Variants in WNT7B observed in about 807,000 individuals in gnomAD.
WNT7B encodes Wnt family member 7B, also known as protein Wnt-7b.
A neutral mutation model predicts 38.2 loss-of-function variants in WNT7B; 19 were observed. The observed-to-expected ratio is 0.50, with a 90% CI of 0.35 to 0.73. The LOEUF is 0.73. WNT7B is among the 30% of genes least tolerant of loss of function. WNT7B has a pLI of 0.01. For missense variants in WNT7B, 423 were observed against 507.9 expected, an observed-to-expected ratio of 0.83 and a Z score of 1.61; for synonymous variants, 243 against 209.3, an observed-to-expected ratio of 1.16 and a Z score of -1.39.
At chr22:45,937,413 T>A (rs1314475967) in intron 2 of WNT7B, among the ~76,000 whole-genome samples, 1 of 152,194 alleles carries the variant, frequency 6.6e-6, no homozygotes. Flanking sequence ...TCTCCCTACC[T>A]GCAAAATGAG....
Position 45,957,412 on chromosome 22 carries a change from G to A in WNT7B, c.72-7266C>T, listed in dbSNP as rs551589642. ...AAAATACAGAAAACAGGCCGGGCACGGTGGCTCACACCTGTAATCCCAGCA... is the reference window on the plus strand; with the variant it reads ...AAAATACAGAAAACAGGCCGGGCACAGTGGCTCACACCTGTAATCCCAGCA... On this transcript the variant is annotated intron_variant, in intron 1 of 3. Transcript: ENST00000339464. 1.9e-3 allele frequency among the ~76,000 whole-genome samples: 281 copies of A among 151,838 alleles called. 6 individuals carry two copies. Among genetic ancestry groups the A allele is most frequent in the Admixed American group, 0.017 (258 of 15,242 alleles).
At chr22:45,964,370 T>C (rs61035450) in intron 1 of WNT7B, among the ~76,000 whole-genome samples, 7,807 of 152,096 alleles carry the variant, frequency 0.051, 665 homozygotes, top group African/African-American at 0.18. Context: ...GGAGCAGTGA[T>C]GGGGCCGAAC....
intron 2 of WNT7B, among the ~76,000 whole-genome samples, chr22:45,948,412 C>T (rs1020627507): frequency 6.6e-6 from 1 of 152,202 alleles, no homozygotes; most frequent in Non-Finnish European, 1.5e-5. Flanking sequence ...CACCACAAAG[C>T]GGGCCCCAGG....
At chr22:45,937,843 C>T (rs1287998164) in intron 2 of WNT7B, among the ~76,000 whole-genome samples, 2 of 152,106 alleles carry the variant, frequency 1.3e-5, no homozygotes, top group Non-Finnish European at 2.9e-5. Flanking sequence ...AACCCCAGGT[C>T]TACTAAAAAT....
At position 45,962,620 on chromosome 22, in the gene WNT7B, T is replaced by C. The variant is rs116775826; in HGVS notation, c.72-12474A>G. Among the ~76,000 whole-genome samples, 635 of 152,350 alleles carry C rather than the reference T, an allele frequency of 4.2e-3. 3 individuals carry two copies. Among genetic ancestry groups the C allele is most frequent in the African/African-American group, 0.014 (588 of 41,580 alleles). On this transcript the variant is annotated intron_variant, in intron 1 of 3. Transcript: ENST00000339464. ...CCTGAGGAAGCCGTTGGGACTGAAATTCAGCTATGCCCTTCCCCAGGTCTT... is the reference window on the plus strand; with the variant it reads ...CCTGAGGAAGCCGTTGGGACTGAAACTCAGCTATGCCCTTCCCCAGGTCTT...
At chr22:45,970,047 C>T (rs976517752) in intron 1 of WNT7B, among the ~76,000 whole-genome samples, 4 of 152,220 alleles carry the variant, frequency 2.6e-5, no homozygotes, top group African/African-American at 4.8e-5. Context: ...AACCGAATCG[C>T]GCAGGCCCTA....
intron 1 of WNT7B, chr22:45,972,116 G>GGGGGCCCCCCC: frequency 4.3e-5 from 23 of 530,716 alleles, no homozygotes; most frequent in Non-Finnish European, 5.6e-5. Flanking sequence ...CCCGGGGGGA[G>GGGGGCCCCCCC]CCCACCCGCC....
At chr22:45,950,181 C>T (rs112213541) in intron 1 of WNT7B, 35 bp from the exon 2 acceptor site, 23 of 1,573,208 alleles carry the variant, frequency 1.5e-5, no homozygotes, top group East Asian at 1.4e-4. Context: ...CGTGAGACGG[C>T]GGCGGCCAGC....
chr22:45,959,431 G>A (rs756411292), intron 1 of WNT7B, among the ~76,000 whole-genome samples: 1 of 152,118 alleles, frequency 6.6e-6, no homozygotes, highest in Non-Finnish European at 1.5e-5. Context: ...ACCCAAAGTC[G>A]CCCTCGAGAG....
Position 45,922,745 on chromosome 22 carries a change from C to T in WNT7B, c.*111G>A. 6.7e-7 allele frequency: 1 copy of T among 1,492,534 alleles called. No homozygotes were observed. Among genetic ancestry groups the T allele is most frequent in the Non-Finnish European group, 8.9e-7 (1 of 1,121,362 alleles). 92.5% of individuals were successfully genotyped at this position (1,492,534 alleles called of 1,614,324 possible). On this transcript the variant is annotated 3_prime_UTR_variant, in exon 4 of 4. Transcript: ENST00000339464. ...CTCCTGCACCTGGAGCTCCCCGCTTCTGCACCCGTCTATGTCTGCTGCTGG... is the reference window on the plus strand; with the variant it reads ...CTCCTGCACCTGGAGCTCCCCGCTTTTGCACCCGTCTATGTCTGCTGCTGG...
At chr22:45,967,286 C>G (rs1932333545) in intron 1 of WNT7B, among the ~76,000 whole-genome samples, 1 of 152,194 alleles carries the variant, frequency 6.6e-6, no homozygotes, top group Admixed American at 6.5e-5. Context: ...GGCGCCCGGC[C>G]TCCTGTCCCT....
At chr22:45,960,873 C>T (rs868249916) in intron 1 of WNT7B, among the ~76,000 whole-genome samples, 51 of 152,330 alleles carry the variant, frequency 3.3e-4, no homozygotes, top group African/African-American at 1.1e-3. Context: ...TCTTCTATGG[C>T]TTTGGAGCCA....
chr22:45,970,962 C>A (rs1418003282), intron 1 of WNT7B, among the ~76,000 whole-genome samples: 1 of 152,274 alleles, frequency 6.6e-6, no homozygotes, highest in East Asian at 1.9e-4. Flanking sequence ...AATTATGTCC[C>A]ACAGCCCGGG....
rs543677550 is a variant in WNT7B, at chr22:45,960,592, G to A, written c.72-10446C>T. Among the ~76,000 whole-genome samples, 241 of 152,324 alleles carry A rather than the reference G, an allele frequency of 1.6e-3. 1 individual carries two copies. The highest frequency in any genetic ancestry group is 1.4e-3 in the Non-Finnish European group (96 of 68,020). On this transcript the variant is annotated intron_variant, in intron 1 of 3. Coordinates refer to ENST00000339464, the MANE Select transcript of WNT7B (RefSeq NM_058238.3). ...CGGCCCCTGGCCCTGGCTGCCGGGC[G>A]GCCCTGGGCTCCTGCGGCCCACGCT...
At chr22:45,964,137 C>T (rs945134704) in intron 1 of WNT7B, among the ~76,000 whole-genome samples, 15 of 152,060 alleles carry the variant, frequency 9.9e-5, no homozygotes, top group Non-Finnish European at 2.2e-4. Context: ...GGCCCTGTGT[C>T]CCTGTGTACT....
rs558257721 is a variant in WNT7B at position 45,926,469 on chromosome 22, G to A, written c.571-3134C>T. ...TTTCCAGAATAAGGGTGTAGCCTGT[G>A]CTCTGGAAACAGTGCTCAGTTACAG... On this transcript the variant is annotated intron_variant, in intron 3 of 3. Transcript: ENST00000339464. 1.0e-5 allele frequency: 10 copies of A among 985,378 alleles called. No individual in the cohort carries two copies. In the East Asian group the frequency reaches 1.0e-3, roughly 101 times the overall value. The allele number at this position is 985,378 out of a possible 1,614,324, so 61.0% of individuals were successfully genotyped here.
intron 2 of WNT7B, among the ~76,000 whole-genome samples, chr22:45,939,670 C>CACACACACACACACACAAAA (rs1417517350): frequency 1.3e-5 from 2 of 151,486 alleles, no homozygotes; most frequent in Non-Finnish European, 2.9e-5. Flanking sequence ...CACACACACA[C>CACACACACACACACACAAAA]AAAAATAGCC....
At chr22:45,924,278 C>G (rs1478155430) in intron 3 of WNT7B, among the ~76,000 whole-genome samples, 2 of 152,174 alleles carry the variant, frequency 1.3e-5, no homozygotes, top group Admixed American at 1.3e-4. Flanking sequence ...GCTGTTGGCC[C>G]CCAGCTCTAG....
chr22:45,945,744 G>A (rs1021799378), intron 2 of WNT7B, among the ~76,000 whole-genome samples: 5 of 152,216 alleles, frequency 3.3e-5, no homozygotes, highest in South Asian at 2.1e-4. Flanking sequence ...CAGATACCCC[G>A]AGATGGGTCC....
Sources: allele counts gnomAD v4.1 joint callset (sites outside exome capture counted in the v4.1 genomes callset), GRCh38; gene constraint gnomAD v4.1.1; transcripts MANE v1.5; gene names NCBI Gene and HGNC (gene_info 2026-07-23, HGNC 2026-07-21).